Variants in DCAF8 observed in about 807,000 individuals in gnomAD.
The protein encoded by DCAF8 is DDB1- and CUL4-associated factor 8.
DCAF8 carries 20 observed loss-of-function variants against 68.0 expected under a neutral mutation model. That is an observed-to-expected ratio of 0.29 (90% CI 0.21 to 0.43). The LOEUF (loss-of-function observed/expected upper bound fraction) is 0.43, where lower values mean the gene tolerates loss of function less well. Ranked by LOEUF, DCAF8 falls within the 20% of genes least tolerant of loss-of-function variation. DCAF8 has a pLI of 1.00. For synonymous variants in DCAF8, 230 were observed against 276.9 expected (o/e 0.83, Z 1.68); for missense variants, 460 against 771.0 (o/e 0.60, Z 4.78).
At chr1:160,235,862 C>G (rs1655857058) in intron 6 of DCAF8, among the ~76,000 whole-genome samples, 1 of 152,090 alleles carries the variant, frequency 6.6e-6, no homozygotes, top group African/African-American at 2.4e-5. Context: ...CCTCAGCCTC[C>G]TGAGTAGCTA....
intron 10 of DCAF8, among the ~76,000 whole-genome samples, chr1:160,224,189 A>G (rs1384888161): frequency 2.0e-5 from 3 of 152,222 alleles, no homozygotes; most frequent in Non-Finnish European, 4.4e-5. Context: ...GAAATCTTAA[A>G]AACAGTTAGT....
chr1:160,237,076 A>G, intron 6 of DCAF8, 59 bp downstream of exon 6: 1 of 1,241,182 alleles, frequency 8.1e-7, no homozygotes, highest in Non-Finnish European at 1.1e-6. Flanking sequence ...ACCAAGACAT[A>G]TGGAATATGT....
chr1:160,223,816 T>C (rs1002415314), intron 10 of DCAF8, among the ~76,000 whole-genome samples: 1 of 152,188 alleles, frequency 6.6e-6, no homozygotes, highest in African/African-American at 2.4e-5. Context: ...GAAGATCACC[T>C]GAGCCCGGGA....
chr1:160,253,692 G>T (rs1230335849), intron 2 of DCAF8, among the ~76,000 whole-genome samples: 1 of 148,974 alleles, frequency 6.7e-6, no homozygotes, highest in Non-Finnish European at 1.5e-5. Context: ...AGGGTGTGGT[G>T]GTGTACACCT....
At chr1:160,220,580 A>G (rs756111742) in intron 11 of DCAF8, 1 of 152,190 alleles carries the variant, frequency 6.6e-6, no homozygotes, top group Non-Finnish European at 1.5e-5. Flanking sequence ...CAGAGAAAAG[A>G]GCTCTGGCCT....
chr1:160,261,638 A>T (rs1657093391), intron 1 of DCAF8: 1 of 152,190 alleles, frequency 6.6e-6, no homozygotes, highest in Non-Finnish European at 1.5e-5. Context: ...ACCATAACCA[A>T]ACAACCTCTC....
chr1:160,248,607 T>C (rs1656454493), intron 2 of DCAF8, among the ~76,000 whole-genome samples: 1 of 150,800 alleles, frequency 6.6e-6, no homozygotes, highest in African/African-American at 2.4e-5. Context: ...TGATGGTGCG[T>C]GCCTGTAATC....
intron 2 of DCAF8, among the ~76,000 whole-genome samples, chr1:160,246,852 G>C (rs1656360311): frequency 6.6e-6 from 1 of 152,158 alleles, no homozygotes; most frequent in Admixed American, 6.5e-5. Flanking sequence ...GCTACTTGGG[G>C]TAGGGCTGAG....
chr1:160,252,884 A>G (rs768798753), intron 2 of DCAF8, among the ~76,000 whole-genome samples: 2 of 152,234 alleles, frequency 1.3e-5, no homozygotes, highest in Non-Finnish European at 2.9e-5. Flanking sequence ...ATGAGAAATT[A>G]TTCTGAATAA....
chr1:160,236,803 T>G (rs1655913824), intron 6 of DCAF8, among the ~76,000 whole-genome samples: 1 of 152,226 alleles, frequency 6.6e-6, no homozygotes, highest in Admixed American at 6.5e-5. Context: ...AATTTAAAAT[T>G]TACAGGACTG....
At chr1:160,259,873 A>G (rs1657005853) in intron 2 of DCAF8, among the ~76,000 whole-genome samples, 1 of 152,152 alleles carries the variant, frequency 6.6e-6, no homozygotes, top group African/African-American at 2.4e-5. Flanking sequence ...TACATACACC[A>G]ATATCTAATA....
chr1:160,257,704 T>A (rs902490870), intron 2 of DCAF8, among the ~76,000 whole-genome samples: 1 of 152,230 alleles, frequency 6.6e-6, no homozygotes, highest in African/African-American at 2.4e-5. Context: ...CTAAGGACCA[T>A]GGCACTGGAA....
intron 10 of DCAF8, among the ~76,000 whole-genome samples, chr1:160,223,173 A>T (rs1312508393): frequency 6.6e-6 from 1 of 152,232 alleles, no homozygotes; most frequent in Non-Finnish European, 1.5e-5. Context: ...TTTCTGGGTC[A>T]TCAGCTGATC....
Position 160,259,310 on chromosome 1 carries a change from A to G in DCAF8, c.-27+1975T>C, listed in dbSNP as rs531497119. Among the ~76,000 whole-genome samples, 294 of 152,284 alleles carry G rather than the reference A, an allele frequency of 1.9e-3. 1 individual carries two copies. The highest frequency in any genetic ancestry group is 2.6e-3 in the Non-Finnish European group (180 of 68,026). On this transcript the variant is annotated intron_variant, in intron 2 of 13. Coordinates refer to ENST00000368074, the MANE Select transcript of DCAF8 (RefSeq NM_015726.4). ...AGCACTTTGGGAGGCTGAGGCGGGC[A>G]GATCACAAGGTCAGGAGATTGAGAC...
At chr1:160,218,037 G>T in intron 13 of DCAF8, 1 of 501,548 alleles carries the variant, frequency 2.0e-6, no homozygotes, top group Non-Finnish European at 3.5e-6. Flanking sequence ...AAAATAGAAG[G>T]GTCACACTGA....
intron 6 of DCAF8, among the ~76,000 whole-genome samples, chr1:160,236,440 G>A (rs1655898814): frequency 6.6e-6 from 1 of 151,980 alleles, no homozygotes; most frequent in Non-Finnish European, 1.5e-5. Context: ...GTATGTGTGT[G>A]TGTGTGTATA....
chr1:160,247,850 A>G (rs2101755330), intron 2 of DCAF8, among the ~76,000 whole-genome samples: 1 of 152,366 alleles, frequency 6.6e-6, no homozygotes, highest in South Asian at 2.1e-4. Flanking sequence ...ACAAAAGCTA[A>G]GTCAAAATGA....
At position 160,243,465 on chromosome 1, in the gene DCAF8, A is replaced by G. The variant is rs1179330977; in HGVS notation, c.49+495T>C. ...CGCTATGTTGCCCAGGCTGGTCTCA[A>G]GCTCCTGGGCTCAAGCGATCTGCCT... On this transcript the variant is annotated intron_variant, in intron 3 of 13. Transcript: ENST00000368074. Among the ~76,000 whole-genome samples the G allele has an allele frequency of 4.6e-5, 7 of 150,604 alleles. No individual in the cohort carries two copies. The South Asian group carries it at 8.4e-4, about 18-fold the overall frequency.
rs539367103 is a variant in DCAF8, at chr1:160,216,283, G to C, written c.*1309C>G. ...AATGATCAAGCAGCTAAAGGTAAGA[G>C]AGACAGAGTGAGAGAGTGTGTATGT... is the stretch of plus-strand genomic sequence containing the variant. On this transcript the variant is annotated 3_prime_UTR_variant, in exon 14 of 14. Transcript: ENST00000368074. 2 of 152,156 alleles carry C rather than the reference G, an allele frequency of 1.3e-5. No homozygotes were observed. Among genetic ancestry groups the C allele is most frequent in the Middle Eastern group, 3.2e-3 (1 of 316 alleles). The allele number at this position is 152,156 out of a possible 1,614,324, so 9.4% of individuals were successfully genotyped here.
Sources: allele counts gnomAD v4.1 joint callset (sites outside exome capture counted in the v4.1 genomes callset), GRCh38; gene constraint gnomAD v4.1.1; transcripts MANE v1.5; gene names NCBI Gene and HGNC (gene_info 2026-07-23, HGNC 2026-07-21).